TCF4: variants seen among roughly 807,000 people sequenced by gnomAD.
The protein encoded by TCF4 is transcription factor 4, also known as SL3-3 enhancer factor 2.
Under a neutral mutation model 82.1 loss-of-function variants are expected in TCF4, and 3 were observed. The observed-to-expected ratio is 0.04, with a 90% confidence interval of 0.02 to 0.09. The LOEUF (loss-of-function observed/expected upper bound fraction) is 0.09. Ranked by LOEUF, TCF4 falls within the 10% of genes least tolerant of loss-of-function variation. The pLI is 1.00. For missense variants in TCF4, 518 were observed against 852.7 expected (o/e 0.61, Z 4.89); for synonymous variants, 276 against 309.6 (o/e 0.89, Z 1.14).
At chr18:55,550,696 C>G (rs925426514) in intron 3 of TCF4, 1 of 152,156 alleles carries the variant, frequency 6.6e-6, no homozygotes, top group Admixed American at 6.5e-5. Flanking sequence ...GGCGCATGAC[C>G]AGCTGTGGAG....
At chr18:55,537,491 G>C (rs925648209) in intron 3 of TCF4, among the ~76,000 whole-genome samples, 1 of 152,060 alleles carries the variant, frequency 6.6e-6, no homozygotes, top group African/African-American at 2.4e-5. Context: ...TCAAAACGCT[G>C]AAGTGGGAGG....
rs780424841 is a variant in TCF4, at chr18:55,269,874, G to A, written c.879C>T (p.Thr293=). The A allele has an allele frequency of 3.1e-6, 5 of 1,613,242 alleles. No individual in the cohort carries two copies. The highest frequency in any genetic ancestry group is 4.2e-6 in the Non-Finnish European group (5 of 1,179,522). The change falls in exon 11 of 20, where the codon ACC becomes ACT. Residue 293 remains threonine (T), a synonymous_variant. Transcript: ENST00000354452. Reference sequence around the variant, plus strand: ...CGTTGGCAGGAGGCGTACAGGAAGAGGTGCTGTAATGGTTTGTACCACTAC... The same window carrying A: ...CGTTGGCAGGAGGCGTACAGGAAGAAGTGCTGTAATGGTTTGTACCACTAC... The part of the protein sequence containing the change: ...FHRSGTNHYS[T]SSCTPPANGT...
intron 5 of TCF4, among the ~76,000 whole-genome samples, chr18:55,437,320 G>A (rs2095350114): frequency 6.6e-6 from 1 of 152,092 alleles, no homozygotes; most frequent in Admixed American, 6.5e-5. Flanking sequence ...CATTATTATA[G>A]AAGCAAATCT....
At chr18:55,629,616 A>G (rs2097729725) in intron 2 of TCF4, among the ~76,000 whole-genome samples, 1 of 152,214 alleles carries the variant, frequency 6.6e-6, no homozygotes, top group Non-Finnish European at 1.5e-5. Flanking sequence ...TGCAGCTGCT[A>G]TAAAACTGGA....
At chr18:55,343,865 C>T (rs565057385) in intron 8 of TCF4, among the ~76,000 whole-genome samples, 3 of 142,024 alleles carry the variant, frequency 2.1e-5, no homozygotes, top group East Asian at 1.9e-4. Flanking sequence ...CACACACACG[C>T]GTGCACACAC....
At chr18:55,517,251 G>T (rs1235435710) in intron 3 of TCF4, among the ~76,000 whole-genome samples, 1 of 152,190 alleles carries the variant, frequency 6.6e-6, no homozygotes, top group Non-Finnish European at 1.5e-5. Flanking sequence ...TTACTCATTT[G>T]ATCTTGCTCT....
Position 55,225,194 on chromosome 18 carries a change from A to C in TCF4, c.*2841T>G, listed in dbSNP as rs2144280889. 6.6e-6 allele frequency: 1 copy of C among 152,664 alleles called. No homozygotes were observed. The highest frequency in any genetic ancestry group is 3.4e-3 in the Middle Eastern group (1 of 294). The allele number at this position is 152,664 out of a possible 1,614,324, so 9.5% of individuals were successfully genotyped here. On this transcript the variant is annotated 3_prime_UTR_variant, in exon 20 of 20. Transcript: ENST00000354452. ...TCAGTGGCCGTTAGAATTTTCACTTATTTCCAAAGGGAATTCAACAATAGA... is the reference window on the plus strand; with the variant it reads ...TCAGTGGCCGTTAGAATTTTCACTTCTTTCCAAAGGGAATTCAACAATAGA...
intron 2 of TCF4, among the ~76,000 whole-genome samples, chr18:55,629,841 G>A (rs2097729937): frequency 6.6e-6 from 1 of 152,146 alleles, no homozygotes; most frequent in African/African-American, 2.4e-5. Flanking sequence ...TATTCTGGTT[G>A]CTATAATCTT....
chr18:55,620,652 T>C (rs891742533), intron 2 of TCF4, among the ~76,000 whole-genome samples: 1 of 152,238 alleles, frequency 6.6e-6, no homozygotes, highest in Non-Finnish European at 1.5e-5. Context: ...TTTATCTTCC[T>C]GCACTGCAGA....
intron 3 of TCF4, among the ~76,000 whole-genome samples, chr18:55,517,516 G>A (rs940446173): frequency 6.6e-6 from 1 of 152,156 alleles, no homozygotes; most frequent in Non-Finnish European, 1.5e-5. Context: ...AATGGTTATT[G>A]TTTTAAATCA....
At chr18:55,621,237 A>G (rs1455647604) in intron 2 of TCF4, among the ~76,000 whole-genome samples, 1 of 151,020 alleles carries the variant, frequency 6.6e-6, no homozygotes, top group Non-Finnish European at 1.5e-5. Context: ...CATAGGGTTC[A>G]TAGTGAGGAA....
intron 3 of TCF4, among the ~76,000 whole-genome samples, chr18:55,471,765 C>CAAAAA (rs11338618): frequency 2.3e-5 from 3 of 131,510 alleles, no homozygotes; most frequent in African/African-American, 8.6e-5. Flanking sequence ...GACTCTGTCT[C>CAAAAA]AAAAAAAAAA....
intron 3 of TCF4, among the ~76,000 whole-genome samples, chr18:55,475,827 AATG>A (rs1202556918): frequency 1.3e-5 from 2 of 152,242 alleles, no homozygotes; most frequent in African/African-American, 4.8e-5. Context: ...CAATGGAGAC[AATG>A]ATTAGTTGTA....
At chr18:55,507,514 C>T (rs1191212967) in intron 3 of TCF4, among the ~76,000 whole-genome samples, 3 of 151,136 alleles carry the variant, frequency 2.0e-5, no homozygotes, top group Non-Finnish European at 4.4e-5. Context: ...AGCTGATGGA[C>T]AGTAACTAAA....
At chr18:55,300,253 T>G (rs2067790273) in intron 8 of TCF4, among the ~76,000 whole-genome samples, 2 of 152,178 alleles carry the variant, frequency 1.3e-5, no homozygotes, top group African/African-American at 4.8e-5. Flanking sequence ...AACCATTTGT[T>G]TCTTAACTGT....
At chr18:55,432,449 C>T (rs2095231884) in intron 5 of TCF4, among the ~76,000 whole-genome samples, 1 of 152,160 alleles carries the variant, frequency 6.6e-6, no homozygotes, top group Non-Finnish European at 1.5e-5. Context: ...TCAAATCTTA[C>T]ACTGGGCACT....
At chr18:55,261,624 A>AT (rs2145733158) in intron 11 of TCF4, 91 bp from the exon 12 acceptor site, 1 of 1,370,956 alleles carries the variant, frequency 7.3e-7, no homozygotes, top group East Asian at 2.3e-5. Flanking sequence ...ATTTAATTGC[A>AT]TTTTTAATGC....
chr18:55,249,884 T>A (rs1054199910), intron 15 of TCF4, among the ~76,000 whole-genome samples: 5 of 152,130 alleles, frequency 3.3e-5, no homozygotes, highest in Non-Finnish European at 7.3e-5. Flanking sequence ...AGCGGTTAGG[T>A]CATTTGAAAC....
At chr18:55,625,858 C>T (rs982817510) in intron 2 of TCF4, among the ~76,000 whole-genome samples, 1 of 151,982 alleles carries the variant, frequency 6.6e-6, no homozygotes, top group Non-Finnish European at 1.5e-5. Flanking sequence ...TTTCTCGTTC[C>T]ACCTTCATAA....
Sources: allele counts gnomAD v4.1 joint callset (sites outside exome capture counted in the v4.1 genomes callset), GRCh38; gene constraint gnomAD v4.1.1; transcripts MANE v1.5; gene names NCBI Gene and HGNC (gene_info 2026-07-23, HGNC 2026-07-21).